The following LDAF1 variants were observed in gnomAD, a reference collection of about 807,000 sequenced individuals.
LDAF1 encodes the protein lipid droplet assembly factor 1.
LDAF1 carries 7 observed loss-of-function variants against 13.5 expected under a neutral mutation model. The ratio of observed to expected loss-of-function variants is 0.52; its 90% CI spans 0.29 to 0.97. LDAF1 has a LOEUF of 0.97. Ranked by LOEUF, LDAF1 falls within the 50% of genes least tolerant of loss-of-function variation. The pLI is 0.07. For synonymous variants in LDAF1, 69 were observed against 77.1 expected (o/e 0.89, Z 0.55); for missense variants, 148 against 193.2 (o/e 0.77, Z 1.39).
intron 2 of LDAF1, among the ~76,000 whole-genome samples, chr16:21,168,668 A>G (rs1293696217): frequency 7.2e-6 from 1 of 138,640 alleles, no homozygotes; most frequent in Admixed American, 7.5e-5. Context: ...TATTATAATT[A>G]TGATTTTTAT....
At chr16:21,159,591 C>A (rs932985940) in intron 1 of LDAF1, 3 of 783,762 alleles carry the variant, frequency 3.8e-6, no homozygotes, top group African/African-American at 1.7e-5. Flanking sequence ...CCCAGTCCCC[C>A]AGGCGTGAAG....
In LDAF1 at chr16:21,169,739, C is replaced by T. The variant is rs186593670; in HGVS notation, c.97-698C>T. Among the ~76,000 whole-genome samples the T allele has an allele frequency of 8.5e-4, 129 of 152,216 alleles. 1 individual carries two copies. Among genetic ancestry groups the T allele is most frequent in the East Asian group, 4.6e-3 (24 of 5,174 alleles). On this transcript the variant is annotated intron_variant, in intron 2 of 4. Coordinates refer to ENST00000233047, the MANE Select transcript of LDAF1 (RefSeq NM_001301771.2). ...TGGTATGTACCTTACATCAATGCACCTTTATGCCGAAGAGGTCTTCTCAAG... is the reference window on the plus strand; with the variant it reads ...TGGTATGTACCTTACATCAATGCACTTTTATGCCGAAGAGGTCTTCTCAAG...
intron 4 of LDAF1, among the ~76,000 whole-genome samples, chr16:21,175,582 A>T (rs565165789): frequency 1.2e-3 from 177 of 152,372 alleles, no homozygotes; most frequent in African/African-American, 4.2e-3. Flanking sequence ...CCGTAGCATG[A>T]AGGCAGCACA....
chr16:21,179,434 T>C, intron 4 of LDAF1, 41 bp from the exon 5 acceptor site: 1 of 1,613,870 alleles, frequency 6.2e-7, no homozygotes. Flanking sequence ...TGCTCTTTAC[T>C]GAGGCCCTAG....
In LDAF1 at chr16:21,168,006, CAAAA is replaced by C. The variant is rs746968001; in HGVS notation, c.97-2421_97-2418del. 4.2e-5 allele frequency among the ~76,000 whole-genome samples: 5 copies of C among 119,640 alleles called. No individual in the cohort carries two copies. The East Asian group carries it at 7.9e-4, about 19-fold the overall frequency. The allele number at this position is 119,640 out of a possible 152,430, so 78.5% of individuals were successfully genotyped here. A position where few individuals can be genotyped will look rare whatever the true frequency, so the allele number is the denominator to read the frequency against. The stretch of plus-strand genomic sequence containing the variant: ...GGGCGACAAGAGCAAAACTCCATCT[CAAAA>C]AAAAAAAAAGAAAGAAAGAAAAGAA... On this transcript the variant is annotated intron_variant, in intron 2 of 4. Transcript: ENST00000233047.
rs2093172175 is a variant in LDAF1, at chr16:21,180,400, T to G, written c.*844T>G. On this transcript the variant is annotated 3_prime_UTR_variant, in exon 5 of 5. Transcript: ENST00000233047. ...GGCACCCGCCACCGTGCCCGGCTAGTTTTTTTTTGTATTTTTTTTAGTACA... is the reference window on the plus strand; with the variant it reads ...GGCACCCGCCACCGTGCCCGGCTAGGTTTTTTTTGTATTTTTTTTAGTACA... 1.3e-5 allele frequency: 2 copies of G among 150,438 alleles called. No individual in the cohort carries two copies. Among genetic ancestry groups the G allele is most frequent in the Non-Finnish European group, 3.0e-5 (2 of 67,560 alleles). 9.3% of individuals were successfully genotyped at this position (150,438 alleles called of 1,614,324 possible). A position where few individuals can be genotyped will look rare whatever the true frequency, so the allele number is the denominator to read the frequency against.
chr16:21,173,018 C>A (rs898294196), intron 3 of LDAF1, among the ~76,000 whole-genome samples: 3 of 152,116 alleles, frequency 2.0e-5, no homozygotes, highest in Admixed American at 6.5e-5. Context: ...TTTTCCCCCC[C>A]ACAGGCCCCA....
At chr16:21,175,949 T>C (rs929124365) in intron 4 of LDAF1, among the ~76,000 whole-genome samples, 2 of 152,198 alleles carry the variant, frequency 1.3e-5, no homozygotes, top group Non-Finnish European at 2.9e-5. Flanking sequence ...CTTGCTGTGT[T>C]GCCCAGGCCA....
Position 21,179,493 on chromosome 16 carries a change from C to T in LDAF1, c.423C>T (p.Asn141=), listed in dbSNP as rs2093165458. Residue 141 remains asparagine, a synonymous_variant, in exon 5 of 5, where the codon AAC becomes AAT. Coordinates refer to ENST00000233047, the MANE Select transcript of LDAF1 (RefSeq NM_001301771.2). ...CCGACAGGCCACTGACACAGCAAAA[C>T]ACCAGTTGTGACTTTCTGCCAGCCA... The part of the protein sequence containing the change: ...WFSPRPLTQQ[N]TSCDFLPAMK... 6.2e-7 allele frequency: 1 copy of T among 1,614,172 alleles called. No individual in the cohort carries two copies. The highest frequency in any genetic ancestry group is 8.5e-7 in the Non-Finnish European group (1 of 1,180,030).
intron 2 of LDAF1, among the ~76,000 whole-genome samples, chr16:21,167,654 T>TGTTGCAAGCATTG (rs964961364): frequency 1.4e-5 from 2 of 146,480 alleles, no homozygotes; most frequent in African/African-American, 5.0e-5. Flanking sequence ...TGGTGGCAGC[T>TGTTGCAAGCATTG]GTTGCAAGCA....
chr16:21,159,126 A>T (rs1366529957), intron 1 of LDAF1, among the ~76,000 whole-genome samples: 1 of 151,814 alleles, frequency 6.6e-6, no homozygotes, highest in Non-Finnish European at 1.5e-5. Context: ...AAACCTCCCT[A>T]GGATTATTGA....
chr16:21,164,637 C>G (rs2093007235), intron 2 of LDAF1, among the ~76,000 whole-genome samples: 1 of 152,206 alleles, frequency 6.6e-6, no homozygotes. Flanking sequence ...AGCTTTAGCA[C>G]AGAGGGTGGC....
At chr16:21,178,110 C>T (rs2093155747) in intron 4 of LDAF1, 20 of 664,276 alleles carry the variant, frequency 3.0e-5, no homozygotes, top group Non-Finnish European at 3.7e-5. Context: ...TGTAAGTTTC[C>T]CTTACATATG....
intron 1 of LDAF1, 26 bp from the exon 2 acceptor site, chr16:21,161,059 A>G: frequency 6.1e-6 from 9 of 1,474,152 alleles, no homozygotes; most frequent in Non-Finnish European, 8.0e-6. Flanking sequence ...AAGACCACTA[A>G]CGGCTTTTGT....
chr16:21,167,879 G>C (rs1387327585), intron 2 of LDAF1, among the ~76,000 whole-genome samples: 1 of 149,518 alleles, frequency 6.7e-6, no homozygotes, highest in African/African-American at 2.4e-5. Context: ...TGGTGGGGGC[G>C]CCCGTAATCC....
rs983073219 is a variant in LDAF1, at chr16:21,167,029, T to C, written c.97-3408T>C. On this transcript the variant is annotated intron_variant, in intron 2 of 4. Transcript: ENST00000233047. ...GAGGTCAGCGGGCATTATGCCGTCC[T>C]GTGGCCTGGCAGGGAGTGAAATTGG... 5.3e-6 allele frequency: 5 copies of C among 934,764 alleles called. No individual in the cohort carries two copies. The African/African-American group carries it at 6.5e-5, about 12-fold the overall frequency. 57.9% of individuals were successfully genotyped at this position (934,764 alleles called of 1,614,324 possible). A position where few individuals can be genotyped will look rare whatever the true frequency, so the allele number is the denominator to read the frequency against.
rs767435175 is a variant in LDAF1 at position 21,174,012 on chromosome 16, T to G, written c.268T>G (p.Leu90Val). 8 of 1,612,498 alleles carry G rather than the reference T, an allele frequency of 5.0e-6. No homozygotes were observed. In the African/African-American group the frequency reaches 1.1e-4, roughly 22 times the overall value. The change falls in exon 4 of 5, where the codon TTG becomes GTG. Residue 90 changes from leucine (L) to valine (V), a missense_variant and splice_region_variant. Leu to Val is a conservative substitution (Grantham distance 32, BLOSUM62 1). Transcript: ENST00000233047. ...ALLGVIILEG[L>V]VISVGGFSLL... ...TCCTAACCACGTTCTCCTCCTAGGATTGGTCATCTCTGTGGGTGGCTTCTC... is the reference window on the plus strand; with the variant it reads ...TCCTAACCACGTTCTCCTCCTAGGAGTGGTCATCTCTGTGGGTGGCTTCTC...
chr16:21,172,229 G>A (rs2093095694), intron 3 of LDAF1, among the ~76,000 whole-genome samples: 1 of 150,990 alleles, frequency 6.6e-6, no homozygotes, highest in South Asian at 2.1e-4. Context: ...GCAGATCACT[G>A]GAGGTCAGGA....
At chr16:21,162,080 C>T (rs2092981027) in intron 2 of LDAF1, among the ~76,000 whole-genome samples, 1 of 151,946 alleles carries the variant, frequency 6.6e-6, no homozygotes, top group African/African-American at 2.4e-5. Context: ...CACTTGAACC[C>T]AGGAGGCGGA....
Sources: allele counts gnomAD v4.1 joint callset (sites outside exome capture counted in the v4.1 genomes callset), GRCh38; gene constraint gnomAD v4.1.1; transcripts MANE v1.5; gene names NCBI Gene and HGNC (gene_info 2026-07-23, HGNC 2026-07-21).